The following LRRC4C variants were observed in gnomAD, a reference collection of about 807,000 sequenced individuals.
LRRC4C encodes the protein leucine-rich repeat-containing protein 4C.
LRRC4C carries 5 observed loss-of-function variants against 33.6 expected under a neutral mutation model. The observed-to-expected ratio is 0.15, with a 90% confidence interval of 0.08 to 0.31. LRRC4C has a LOEUF of 0.31. Among genes scored for constraint, LRRC4C ranks in the 10% least tolerant of loss-of-function variants. LRRC4C has a pLI of 1.00. For missense variants in LRRC4C, 560 were observed against 796.7 expected (o/e 0.70, Z 3.58); for synonymous variants, 329 against 302.0 (o/e 1.09, Z -0.93).
chr11:40,445,802 G>A (rs1951607951), intron 3 of LRRC4C: 1 of 152,160 alleles, frequency 6.6e-6, no homozygotes, highest in African/African-American at 2.4e-5. Context: ...GAGACTTCCA[G>A]TGAAAAGCTT....
intron 2 of LRRC4C, among the ~76,000 whole-genome samples, chr11:40,895,784 A>G (rs965065182): frequency 1.3e-5 from 2 of 152,202 alleles, no homozygotes; most frequent in African/African-American, 4.8e-5. Context: ...AATGATTTTA[A>G]GTATTATTAT....
chr11:40,981,695 A>C (rs985778859), intron 1 of LRRC4C, among the ~76,000 whole-genome samples: 6 of 152,228 alleles, frequency 3.9e-5, no homozygotes, highest in African/African-American at 1.4e-4. Context: ...CTATCCCCTT[A>C]AAACTATGGT....
At chr11:41,238,309 T>G (rs755477431) in intron 1 of LRRC4C, among the ~76,000 whole-genome samples, 7 of 152,222 alleles carry the variant, frequency 4.6e-5, no homozygotes, top group Non-Finnish European at 8.8e-5. Context: ...TATTCACATC[T>G]GTGTCTGAGT....
At chr11:40,635,318 A>G (rs1241377644) in intron 3 of LRRC4C, among the ~76,000 whole-genome samples, 1 of 152,174 alleles carries the variant, frequency 6.6e-6, no homozygotes, top group Non-Finnish European at 1.5e-5. Flanking sequence ...AGATTTTTCT[A>G]AAGCTTTTCC....
chr11:40,911,437 G>T (rs112279531), intron 2 of LRRC4C, among the ~76,000 whole-genome samples: 1 of 152,176 alleles, frequency 6.6e-6, no homozygotes, highest in Admixed American at 6.5e-5. Flanking sequence ...GGCAAATGGG[G>T]TCTGGAGTGG....
At position 40,202,222 on chromosome 11, in the gene LRRC4C, A is replaced by G. The variant is rs1345263681; in HGVS notation, c.-96+39297T>C. ...GGTCCTGTGTGATTACCAAAAAAAAAAAAAAAAAAAAAAAAAGAGGGATTC... is the reference window on the plus strand; with the variant it reads ...GGTCCTGTGTGATTACCAAAAAAAAGAAAAAAAAAAAAAAAAGAGGGATTC... On this transcript the variant is annotated intron_variant, in intron 5 of 6. Coordinates refer to ENST00000528697, the MANE Select transcript of LRRC4C (RefSeq NM_001258419.2). Among the ~76,000 whole-genome samples, 8 of 151,222 alleles carry G rather than the reference A, an allele frequency of 5.3e-5. No homozygotes were observed. The East Asian group carries it at 1.6e-3, about 29-fold the overall frequency.
At chr11:40,553,745 C>T (rs1226865297) in intron 3 of LRRC4C, among the ~76,000 whole-genome samples, 5 of 152,038 alleles carry the variant, frequency 3.3e-5, no homozygotes. Context: ...TTTTAAGTAT[C>T]CGTTTATGTC....
intron 2 of LRRC4C, among the ~76,000 whole-genome samples, chr11:40,672,541 T>C (rs1944179809): frequency 6.6e-6 from 1 of 152,208 alleles, no homozygotes; most frequent in African/African-American, 2.4e-5. Flanking sequence ...GAGGACAAGA[T>C]TTTGCTGTGT....
chr11:40,300,830 C>T (rs1397613494), intron 4 of LRRC4C, among the ~76,000 whole-genome samples: 8 of 152,178 alleles, frequency 5.3e-5, no homozygotes, highest in Non-Finnish European at 1.5e-5. Flanking sequence ...GAGGCAGAGT[C>T]TAGCTCTGTT....
chr11:40,365,750 A>T (rs952916999), intron 3 of LRRC4C, among the ~76,000 whole-genome samples: 6 of 151,990 alleles, frequency 3.9e-5, no homozygotes, highest in Admixed American at 2.6e-4. Context: ...AGAACAATTA[A>T]CTTCATTGTC....
intron 3 of LRRC4C, among the ~76,000 whole-genome samples, chr11:40,434,944 G>A (rs1172371056): frequency 6.6e-6 from 1 of 152,128 alleles, no homozygotes; most frequent in Non-Finnish European, 1.5e-5. Context: ...GGCCTTAGGA[G>A]CTTTATTAGT....
At chr11:40,979,292 T>C (rs61887573) in intron 1 of LRRC4C, among the ~76,000 whole-genome samples, 4,568 of 152,322 alleles carry the variant, frequency 0.03, 62 homozygotes, top group Middle Eastern at 0.044. Context: ...TTATTTAAAC[T>C]CTAGGGCCTA....
chr11:40,190,822 C>T (rs7942248), intron 5 of LRRC4C, among the ~76,000 whole-genome samples: 94,393 of 151,960 alleles, frequency 0.62, 29,621 homozygotes, highest in South Asian at 0.8. Flanking sequence ...AAAGTGATGA[C>T]AATGATAGAA....
intron 2 of LRRC4C, among the ~76,000 whole-genome samples, chr11:40,882,726 A>G (rs992686549): frequency 6.6e-6 from 1 of 152,092 alleles, no homozygotes; most frequent in Non-Finnish European, 1.5e-5. Context: ...AGTACACTGT[A>G]ATTATTTACT....
chr11:40,161,321 T>C (rs1859136057), intron 5 of LRRC4C, among the ~76,000 whole-genome samples: 1 of 152,230 alleles, frequency 6.6e-6, no homozygotes, highest in Admixed American at 6.5e-5. Context: ...AAATGTTTAC[T>C]TGAGACTAGG....
chr11:40,347,799 G>T (rs534723709), intron 3 of LRRC4C, among the ~76,000 whole-genome samples: 1 of 152,176 alleles, frequency 6.6e-6, no homozygotes, highest in African/African-American at 2.4e-5. Context: ...GTAGAGATGG[G>T]GTTTCTCCAT....
intron 3 of LRRC4C, among the ~76,000 whole-genome samples, chr11:40,367,673 A>G (rs1290250912): frequency 1.3e-5 from 2 of 152,098 alleles, no homozygotes; most frequent in African/African-American, 4.8e-5. Flanking sequence ...AGTTATCCAT[A>G]TATCTTATGT....
intron 1 of LRRC4C, among the ~76,000 whole-genome samples, chr11:41,314,033 T>A (rs1380729918): frequency 6.6e-6 from 1 of 152,166 alleles, no homozygotes; most frequent in Non-Finnish European, 1.5e-5. Context: ...TTTCCTTCTT[T>A]GAAGTCCAAG....
intron 1 of LRRC4C, among the ~76,000 whole-genome samples, chr11:41,146,674 T>G (rs141252876): frequency 6.0e-4 from 92 of 152,284 alleles, no homozygotes; most frequent in East Asian, 3.9e-4. Flanking sequence ...AAAGAAAAAT[T>G]TGTCCTTCTG....
Sources: allele counts gnomAD v4.1 joint callset (sites outside exome capture counted in the v4.1 genomes callset), GRCh38; gene constraint gnomAD v4.1.1; transcripts MANE v1.5; gene names NCBI Gene and HGNC (gene_info 2026-07-23, HGNC 2026-07-21).